CAMK2B: variants seen among roughly 807,000 people sequenced by gnomAD.
The protein encoded by CAMK2B is calcium/calmodulin-dependent protein kinase type II subunit beta.
In CAMK2B, 27 loss-of-function variants were observed where a neutral mutation model predicts 93.7. The ratio of observed to expected loss-of-function variants is 0.29; its 90% CI spans 0.21 to 0.40. CAMK2B has a LOEUF of 0.40. Ranked by LOEUF, CAMK2B falls within the 10% of genes least tolerant of loss-of-function variation. The pLI is 1.00. For synonymous variants in CAMK2B, 374 were observed against 358.8 expected (o/e 1.04, Z -0.48); for missense variants, 568 against 895.8 (o/e 0.63, Z 4.67).
intron 1 of CAMK2B, among the ~76,000 whole-genome samples, chr7:44,310,459 T>G (rs1187917676): frequency 6.6e-6 from 1 of 152,192 alleles, no homozygotes; most frequent in Non-Finnish European, 1.5e-5. Context: ...CACAACCCAG[T>G]GGCTATGTCA....
chr7:44,272,130 C>T (rs143449971), intron 2 of CAMK2B, among the ~76,000 whole-genome samples: 5 of 149,842 alleles, frequency 3.3e-5, no homozygotes, highest in African/African-American at 1.2e-4. Context: ...CAGATGCTGC[C>T]ATAGTGGGCT....
rs1051265681 is a variant in CAMK2B, at chr7:44,286,361, C to T, written c.66-2136G>A. ...GAGTCTGGGCCTCCGTGCGCCAGAACGCAACCACACACTGCAGGGTTGACC... is the reference window on the plus strand; with the variant it reads ...GAGTCTGGGCCTCCGTGCGCCAGAATGCAACCACACACTGCAGGGTTGACC... On this transcript the variant is annotated intron_variant, in intron 1 of 23. Coordinates refer to ENST00000395749, the MANE Select transcript of CAMK2B (RefSeq NM_001220.5). This position sits in a 1 kb window ranked among gnomAD's most constrained non-coding sequence, Gnocchi z 4.0. Among the ~76,000 whole-genome samples the T allele has an allele frequency of 6.6e-5, 10 of 152,128 alleles. No individual in the cohort carries two copies. Among genetic ancestry groups the T allele is most frequent in the African/African-American group, 2.4e-4 (10 of 41,424 alleles).
chr7:44,270,677 C>A (rs1229959976), intron 2 of CAMK2B, among the ~76,000 whole-genome samples: 6 of 152,238 alleles, frequency 3.9e-5, no homozygotes, highest in African/African-American at 1.4e-4. Context: ...GATGCCCTGT[C>A]AAGTAGCGCT....
chr7:44,258,755 AAGGGAGTGGCCAGCCCACGGGT>A, intron 4 of CAMK2B, 95 bp downstream of exon 4: 1 of 875,752 alleles, frequency 1.1e-6, no homozygotes, highest in Non-Finnish European at 1.9e-6. Context: ...AAGCACACTC[AAGGGAGTGGCCAGCCCACGGGT>A]AGGGACTATT....
At chr7:44,318,218 G>A (rs1271838804) in intron 1 of CAMK2B, among the ~76,000 whole-genome samples, 2 of 152,258 alleles carry the variant, frequency 1.3e-5, no homozygotes, top group African/African-American at 4.8e-5. Flanking sequence ...GCTGAAAGCT[G>A]CAAGCCTCTT....
At chr7:44,289,872 C>G (rs142622484) in intron 1 of CAMK2B, among the ~76,000 whole-genome samples, 2 of 152,336 alleles carry the variant, frequency 1.3e-5, no homozygotes, top group Non-Finnish European at 2.9e-5. Context: ...GATTCCGTTC[C>G]CTTAGTGGAA....
chr7:44,243,618 CAG>C, intron 6 of CAMK2B, 91 bp from the exon 7 acceptor site: 1 of 1,000,438 alleles, frequency 1.0e-6, no homozygotes, highest in Admixed American at 2.0e-5. Context: ...ACAGAGAAAA[CAG>C]TGGTTTGCAA....
chr7:44,241,416 G>A (rs143941004), intron 11 of CAMK2B, among the ~76,000 whole-genome samples: 9 of 152,350 alleles, frequency 5.9e-5, no homozygotes, highest in African/African-American at 2.2e-4. Context: ...TGCAGAGCCC[G>A]GGTGAGGAGC....
chr7:44,252,201 A>G (rs1584230987), intron 5 of CAMK2B, among the ~76,000 whole-genome samples: 1 of 151,166 alleles, frequency 6.6e-6, no homozygotes, highest in South Asian at 2.1e-4. Flanking sequence ...GTGACCCTTC[A>G]CCCCCATGGC....
intron 3 of CAMK2B, 100 bp from the exon 4 acceptor site, chr7:44,259,026 C>T (rs186079042): frequency 2.8e-6 from 3 of 1,082,840 alleles, no homozygotes; most frequent in Non-Finnish European, 4.2e-6. Flanking sequence ...GGTGTAAGCC[C>T]TAGGGCTGCC....
Position 44,229,434 on chromosome 7 carries a change from G to A in CAMK2B, c.1293C>T (p.Pro431=). 6.7e-7 allele frequency: 1 copy of A among 1,501,564 alleles called. No individual in the cohort carries two copies. Among genetic ancestry groups the A allele is most frequent in the South Asian group, 1.3e-5 (1 of 77,180 alleles). The allele number at this position is 1,501,564 out of a possible 1,614,324, so 93.0% of individuals were successfully genotyped here. A position where few individuals can be genotyped will look rare whatever the true frequency, so the allele number is the denominator to read the frequency against. ...AGGGAGCCGGAGATGGGCAGGGCAG[G>A]GGCCCCTCGGCTTCTGGGGCTCCCG... The part of the protein sequence containing the change: ...RGSGAPEAEG[P]LPCPSPAPFS... The change falls in exon 18 of 24, where the codon CCC becomes CCT. Residue 431 remains proline (P), a synonymous_variant. Transcript: ENST00000395749.
chr7:44,236,051 C>T (rs1583988650), intron 13 of CAMK2B, among the ~76,000 whole-genome samples: 1 of 152,242 alleles, frequency 6.6e-6, no homozygotes, highest in Non-Finnish European at 1.5e-5. Context: ...AGGCCCACCC[C>T]GCCCTCCTGA....
chr7:44,309,051 C>T (rs1792746658), intron 1 of CAMK2B, among the ~76,000 whole-genome samples: 1 of 152,206 alleles, frequency 6.6e-6, no homozygotes, highest in African/African-American at 2.4e-5. Flanking sequence ...CAGAGCCCTG[C>T]CCAGCACTGC....
At chr7:44,264,720 C>T (rs747851044) in intron 2 of CAMK2B, among the ~76,000 whole-genome samples, 2 of 152,364 alleles carry the variant, frequency 1.3e-5, no homozygotes, top group East Asian at 1.9e-4. Context: ...CCCCTCCCTC[C>T]CCTCTCCCCT....
At chr7:44,299,550 A>C (rs2129171927) in intron 1 of CAMK2B, among the ~76,000 whole-genome samples, 1 of 152,348 alleles carries the variant, frequency 6.6e-6, no homozygotes, top group East Asian at 1.9e-4. Flanking sequence ...TATATATGAC[A>C]CAATTTAAAA....
chr7:44,325,542 G>T lies in CAMK2B; in HGVS notation c.-121C>A, dbSNP rs1221612422. 8 of 426,386 alleles carry T rather than the reference G, an allele frequency of 1.9e-5. No individual in the cohort carries two copies. Among genetic ancestry groups the T allele is most frequent in the Non-Finnish European group, 2.2e-5 (7 of 321,112 alleles). The allele number at this position is 426,386 out of a possible 1,614,324, so 26.4% of individuals were successfully genotyped here. A position where few individuals can be genotyped will look rare whatever the true frequency, so the allele number is the denominator to read the frequency against. Reference sequence around the variant, plus strand: ...CGCGGGAGACACCTCGGCTCGCGGCGCCAGGCGGGGGCCGGGCTGGGCTGC... The same window carrying T: ...CGCGGGAGACACCTCGGCTCGCGGCTCCAGGCGGGGGCCGGGCTGGGCTGC... On this transcript the variant is annotated 5_prime_UTR_variant, in exon 1 of 24. Transcript: ENST00000395749.
At chr7:44,256,877 T>C (rs948694612) in intron 4 of CAMK2B, among the ~76,000 whole-genome samples, 1 of 152,114 alleles carries the variant, frequency 6.6e-6, no homozygotes, top group Non-Finnish European at 1.5e-5. Context: ...GGAAGGGAGT[T>C]TGCTCCTCCA....
rs944317056 is a variant in CAMK2B at position 44,311,556 on chromosome 7, G to A, written c.65+13801C>T. Among the ~76,000 whole-genome samples, 1 of 152,222 alleles carries A rather than the reference G, an allele frequency of 6.6e-6. No individual in the cohort carries two copies. The highest frequency in any genetic ancestry group is 2.4e-5 in the African/African-American group (1 of 41,458). Reference sequence around the variant, plus strand: ...AGGTAAGATTGTTGTGCCCCAGCATGTGCCCCTGAGGCTGGCCCCGGGTGC... The same window carrying A: ...AGGTAAGATTGTTGTGCCCCAGCATATGCCCCTGAGGCTGGCCCCGGGTGC... On this transcript the variant is annotated intron_variant, in intron 1 of 23. Coordinates refer to ENST00000395749, the MANE Select transcript of CAMK2B (RefSeq NM_001220.5). The surrounding 1 kb of genome is among the most constrained non-coding windows in gnomAD (Gnocchi z 4.2).
intron 1 of CAMK2B, among the ~76,000 whole-genome samples, chr7:44,291,025 C>A (rs1453177601): frequency 6.6e-6 from 1 of 152,178 alleles, no homozygotes; most frequent in African/African-American, 2.4e-5. Context: ...GAGGAGGTGT[C>A]TTCTTACACA....
Sources: allele counts gnomAD v4.1 joint callset (sites outside exome capture counted in the v4.1 genomes callset), GRCh38; gene constraint gnomAD v4.1.1; non-coding constraint Gnocchi (gnomAD v3.1); transcripts MANE v1.5; gene names NCBI Gene and HGNC (gene_info 2026-07-23, HGNC 2026-07-21).